The following PVALEF variants were observed in gnomAD, a reference collection of about 807,000 sequenced individuals.
PVALEF encodes parvalbumin-like EF-hand-containing protein.
In PVALEF, 2 loss-of-function variants were observed where a neutral mutation model predicts 1.2. The observed-to-expected ratio is 1.68, with a 90% CI of 0.69 to 5.28. PVALEF has a LOEUF of 5.28. Among genes scored for constraint, PVALEF ranks in the 30% most tolerant of loss-of-function variants. PVALEF has a pLI of 0.06. For missense variants in PVALEF, 35 were observed against 17.7 expected, an observed-to-expected ratio of 1.97 and a Z score of -1.75; for synonymous variants, 16 against 6.5, an observed-to-expected ratio of 2.47 and a Z score of -2.24.
chr17:81,180,532 C>T (rs1005654078), intron 3 of PVALEF, among the ~76,000 whole-genome samples: 6 of 152,174 alleles, frequency 3.9e-5, no homozygotes, highest in Admixed American at 2.0e-4. Flanking sequence ...CCCACAGCAG[C>T]GGGCAAGCCC....
At chr17:81,180,176 G>A (rs562643667) in intron 3 of PVALEF, among the ~76,000 whole-genome samples, 29 of 152,320 alleles carry the variant, frequency 1.9e-4, no homozygotes, top group African/African-American at 6.7e-4. Flanking sequence ...GGGATTGGGG[G>A]TGGTGAACGA....
rs1345189718 is a variant in PVALEF, at chr17:81,181,561, T to G, written c.109T>G (p.Ser37Ala). The G allele has an allele frequency of 2.2e-6, 1 of 452,932 alleles. No individual in the cohort carries two copies. The highest frequency in any genetic ancestry group is 2.0e-5 in the African/African-American group (1 of 49,802). 28.1% of individuals were successfully genotyped at this position (452,932 alleles called of 1,614,324 possible). A position where few individuals can be genotyped will look rare whatever the true frequency, so the allele number is the denominator to read the frequency against. Residue 37 changes from serine to alanine, a missense_variant and splice_region_variant, in exon 5 of 7, where the codon TCC (serine) becomes GCC (alanine). Coordinates refer to ENST00000637878, the MANE Select transcript of PVALEF (RefSeq NM_001354639.2). ...TGAGCCCCGCCTGGTTGCCCCAGGG[T>G]CCTTCAACTACCTCAAGTTCTTCAA... ...LLPTDMRHHG[S>A]FNYLKFFKHI...
chr17:81,170,781 C>T (rs897159642), intron 2 of PVALEF, among the ~76,000 whole-genome samples: 1 of 152,170 alleles, frequency 6.6e-6, no homozygotes, highest in Non-Finnish European at 1.5e-5. Flanking sequence ...GGCTGGGCCT[C>T]ACCCTGCAGT....
intron 2 of PVALEF, among the ~76,000 whole-genome samples, chr17:81,170,024 A>C (rs111067633): frequency 0.23 from 33,602 of 146,572 alleles, 4,161 homozygotes; most frequent in Non-Finnish European, 0.28. Flanking sequence ...GTATGTGCAT[A>C]TGTGTAGGTG....
At position 81,171,590 on chromosome 17, in the gene PVALEF, A is replaced by C. The variant is rs12603216; in HGVS notation, c.-340+4746A>C. Among the ~76,000 whole-genome samples the C allele has an allele frequency of 8.3e-4, 127 of 152,122 alleles. No homozygotes were observed. In the East Asian group the frequency reaches 0.022, roughly 27 times the overall value. ...CACTGCAAGCTCCGCCTCCTGGGTT[A>C]ACGCCATTCTCCTGCCTCAGCCTCC... On this transcript the variant is annotated intron_variant, in intron 2 of 6. Coordinates refer to ENST00000637878, the MANE Select transcript of PVALEF (RefSeq NM_001354639.2).
intron 2 of PVALEF, among the ~76,000 whole-genome samples, chr17:81,172,281 G>C (rs984522882): frequency 6.6e-6 from 1 of 152,234 alleles, no homozygotes; most frequent in Non-Finnish European, 1.5e-5. Flanking sequence ...CCCACACAGT[G>C]GGAAAGCTTT....
chr17:81,172,584 C>A (rs2061524235), intron 2 of PVALEF, among the ~76,000 whole-genome samples: 1 of 152,002 alleles, frequency 6.6e-6, no homozygotes, highest in Admixed American at 6.6e-5. Context: ...TCAAGACCAG[C>A]CTGGCCTATA....
At chr17:81,171,757 G>GC (rs563464216) in intron 2 of PVALEF, among the ~76,000 whole-genome samples, 198 of 152,288 alleles carry the variant, frequency 1.3e-3, no homozygotes, top group African/African-American at 4.7e-3. Context: ...CTCCCAAAGT[G>GC]CTGGGATTAC....
intron 2 of PVALEF, among the ~76,000 whole-genome samples, chr17:81,174,882 G>C (rs1431556108): frequency 6.6e-6 from 1 of 151,578 alleles, no homozygotes; most frequent in Non-Finnish European, 1.5e-5. Flanking sequence ...CTGGTAGGCG[G>C]AGGTTGCAGT....
Position 81,181,329 on chromosome 17 carries a change from C to A in PVALEF, c.103C>A (p.His35Asn). 1.5e-6 allele frequency: 1 copy of A among 673,156 alleles called. No homozygotes were observed. The highest frequency in any genetic ancestry group is 1.6e-5 in the South Asian group (1 of 61,028). 41.7% of individuals were successfully genotyped at this position (673,156 alleles called of 1,614,324 possible). A position where few individuals can be genotyped will look rare whatever the true frequency, so the allele number is the denominator to read the frequency against. The change falls in exon 4 of 7, where the codon CAC becomes AAC. Residue 35 changes from histidine to asparagine, a missense_variant. Physicochemically the swap from His to Asn is moderately conservative, Grantham distance 68. Transcript: ENST00000637878. ...GCTGCTGCCCACAGACATGAGACAC[C>A]ACGGTACAGCATGCCCCCGCCCGGC... ...IELLPTDMRHHGSFNYLKFFK... is the reference protein window; with the variant it reads ...IELLPTDMRHNGSFNYLKFFK...
chr17:81,178,861 C>T lies in PVALEF; in HGVS notation c.-339-57C>T, dbSNP rs990404940. 23 of 230,898 alleles carry T rather than the reference C, an allele frequency of 1.0e-4. No individual in the cohort carries two copies. In the Middle Eastern group the frequency reaches 1.7e-3, roughly 17 times the overall value. 14.3% of individuals were successfully genotyped at this position (230,898 alleles called of 1,614,324 possible). ...CAGCTGCTGTCTGCCCAGCTGGCCTCGGTCACCTGCTCACTGGCTCACTGG... is the reference window on the plus strand; with the variant it reads ...CAGCTGCTGTCTGCCCAGCTGGCCTTGGTCACCTGCTCACTGGCTCACTGG... On this transcript the variant is annotated intron_variant, in intron 2 of 6. Coordinates refer to ENST00000637878, the MANE Select transcript of PVALEF (RefSeq NM_001354639.2).
intron 3 of PVALEF, among the ~76,000 whole-genome samples, chr17:81,180,273 C>T (rs1353969917): frequency 6.6e-6 from 1 of 152,210 alleles, no homozygotes; most frequent in Non-Finnish European, 1.5e-5. Flanking sequence ...CGGCCCAGCC[C>T]CTCCTCTGTA....
At chr17:81,180,323 G>A (rs1164288527) in intron 3 of PVALEF, among the ~76,000 whole-genome samples, 3 of 149,780 alleles carry the variant, frequency 2.0e-5, no homozygotes, top group Non-Finnish European at 3.0e-5. Context: ...AGTGGTAGGT[G>A]GGTGTTCCCT....
At position 81,165,519 on chromosome 17, in the gene PVALEF, G is replaced by A. The variant is rs944665382; in HGVS notation, c.-736G>A. 2.3e-5 allele frequency: 17 copies of A among 726,856 alleles called. No homozygotes were observed. The highest frequency in any genetic ancestry group is 3.3e-5 in the Non-Finnish European group (16 of 489,778). The allele number at this position is 726,856 out of a possible 1,614,324, so 45.0% of individuals were successfully genotyped here. A position where few individuals can be genotyped will look rare whatever the true frequency, so the allele number is the denominator to read the frequency against. On this transcript the variant is annotated 5_prime_UTR_variant, in exon 1 of 7. Transcript: ENST00000637878. ...GGCAGGGCTCTGAGAATCGCTCCCA[G>A]CCTGGGAAGAAGCCTCCCACGCCAG...
chr17:81,175,219 G>T (rs2061532846), intron 2 of PVALEF, among the ~76,000 whole-genome samples: 2 of 152,146 alleles, frequency 1.3e-5, no homozygotes, highest in Admixed American at 1.3e-4. Context: ...ACTTAGCCAA[G>T]GAGGTGAAAG....
rs536118308 is a variant in PVALEF, at chr17:81,181,605, C to T, written c.153C>T (p.His51=). The T allele has an allele frequency of 8.2e-5, 35 of 424,778 alleles. No homozygotes were observed. In the South Asian group the frequency reaches 1.6e-3, roughly 19 times the overall value. The allele number at this position is 424,778 out of a possible 1,614,324, so 26.3% of individuals were successfully genotyped here. A position where few individuals can be genotyped will look rare whatever the true frequency, so the allele number is the denominator to read the frequency against. ...LKFFKHIRKL[H]ASGQLDDAIH... ...TCTTCAAGCACATCCGCAAGCTCCA[C>T]GCCTCGGGCCAGCTGGACGACGCCA... Residue 51 remains histidine, a synonymous_variant, in exon 5 of 7, where the codon CAC becomes CAT. Coordinates refer to ENST00000637878, the MANE Select transcript of PVALEF (RefSeq NM_001354639.2).
chr17:81,179,955 G>A (rs575365418), intron 3 of PVALEF, among the ~76,000 whole-genome samples: 1 of 152,322 alleles, frequency 6.6e-6, no homozygotes, highest in East Asian at 1.9e-4. Flanking sequence ...CAGAATCTGA[G>A]CAGGGCCCAA....
chr17:81,173,550 T>C (rs1020138582), intron 2 of PVALEF, among the ~76,000 whole-genome samples: 3 of 152,138 alleles, frequency 2.0e-5, no homozygotes, highest in Admixed American at 1.3e-4. Context: ...TCTTGCTCTA[T>C]AGGAAAGCAC....
At chr17:81,173,795 C>G (rs550739022) in intron 2 of PVALEF, among the ~76,000 whole-genome samples, 1 of 152,190 alleles carries the variant, frequency 6.6e-6, no homozygotes, top group Non-Finnish European at 1.5e-5. Context: ...CCACTCCTAA[C>G]TCACTCTATG....
Sources: gnomAD v4.1 joint callset for allele counts (sites outside exome capture counted in the v4.1 genomes callset) on GRCh38, gnomAD v4.1.1 for gene constraint, MANE v1.5 for transcripts, NCBI Gene and HGNC (gene_info 2026-07-23, HGNC 2026-07-21) for gene names.